Variants in PCGF5 observed in about 807,000 individuals in gnomAD.
The protein encoded by PCGF5 is polycomb group ring finger 5.
PCGF5 carries 9 observed loss-of-function variants against 44.3 expected under a neutral mutation model. The ratio of observed to expected loss-of-function variants is 0.20; its 90% confidence interval spans 0.12 to 0.35. The LOEUF (loss-of-function observed/expected upper bound fraction) is 0.35, where lower values mean the gene tolerates loss of function less well. Ranked by LOEUF, PCGF5 falls within the 10% of genes least tolerant of loss-of-function variation. PCGF5 has a pLI of 1.00. For missense variants in PCGF5, 146 were observed against 305.3 expected, an observed-to-expected ratio of 0.48 and a Z score of 3.89; for synonymous variants, 95 against 102.5, an observed-to-expected ratio of 0.93 and a Z score of 0.44.
Position 91,283,567 on chromosome 10 carries a change from G to A in PCGF5, c.*5251G>A, listed in dbSNP as rs1846503865. ...CCATCCTCTGCACATCAGTCCACTG[G>A]AGCAGGAGTTCTACACATTAAAAAT... On this transcript the variant is annotated 3_prime_UTR_variant, in exon 10 of 10. Coordinates refer to ENST00000336126, the MANE Select transcript of PCGF5 (RefSeq NM_032373.5). The A allele has an allele frequency of 6.6e-6, 1 of 151,714 alleles. No homozygotes were observed. Among genetic ancestry groups the A allele is most frequent in the South Asian group, 2.1e-4 (1 of 4,804 alleles). The allele number at this position is 151,714 out of a possible 1,614,324, so 9.4% of individuals were successfully genotyped here.
At chr10:91,264,166 A>G (rs1453768975) in intron 7 of PCGF5, among the ~76,000 whole-genome samples, 4 of 152,144 alleles carry the variant, frequency 2.6e-5, no homozygotes, top group Non-Finnish European at 4.4e-5. Context: ...GTTACATTGC[A>G]TTTGTAAATT....
chr10:91,184,893 C>A (rs891898896), intron 1 of PCGF5, among the ~76,000 whole-genome samples: 1 of 152,154 alleles, frequency 6.6e-6, no homozygotes, highest in Non-Finnish European at 1.5e-5. Context: ...CTGTGGGAGT[C>A]CCATCCCAGG....
At chr10:91,200,967 G>T (rs1393277714) in intron 1 of PCGF5, among the ~76,000 whole-genome samples, 1 of 152,108 alleles carries the variant, frequency 6.6e-6, no homozygotes, top group East Asian at 1.9e-4. Flanking sequence ...TGGGAGAATG[G>T]TCAGAGCTTG....
intron 1 of PCGF5, among the ~76,000 whole-genome samples, chr10:91,191,830 A>G (rs927489308): frequency 2.0e-5 from 3 of 152,202 alleles, no homozygotes; most frequent in Non-Finnish European, 2.9e-5. Context: ...GTGAGCATTC[A>G]TGTTGGATCC....
upstream of PCGF5, among the ~76,000 whole-genome samples, chr10:91,162,752 G>T (rs969791754): frequency 5.9e-5 from 9 of 151,338 alleles, no homozygotes; most frequent in Non-Finnish European, 1.3e-4. Context: ...GCGGCGAGAG[G>T]CTGTGCCCCA....
chr10:91,187,290 G>A (rs1051444944), intron 1 of PCGF5, among the ~76,000 whole-genome samples: 3 of 152,078 alleles, frequency 2.0e-5, no homozygotes, highest in Non-Finnish European at 4.4e-5. Context: ...ATCGGTTTGG[G>A]AACCACTGTT....
At chr10:91,221,310 G>A (rs533630000) in intron 1 of PCGF5, among the ~76,000 whole-genome samples, 1 of 152,172 alleles carries the variant, frequency 6.6e-6, no homozygotes, top group Admixed American at 6.5e-5. Flanking sequence ...TCCTCTTCCA[G>A]AGGACTTTCT....
At chr10:91,180,048 T>C (rs1290128406) in intron 1 of PCGF5, among the ~76,000 whole-genome samples, 4 of 152,186 alleles carry the variant, frequency 2.6e-5, no homozygotes, top group Non-Finnish European at 5.9e-5. Flanking sequence ...TTCTGACTGG[T>C]GTGAGATGGT....
chr10:91,199,528 AT>A (rs1844208607), intron 1 of PCGF5, among the ~76,000 whole-genome samples: 1 of 152,240 alleles, frequency 6.6e-6, no homozygotes, highest in African/African-American at 2.4e-5. Context: ...CAACATCCCC[AT>A]CAAGTGCAGC....
chr10:91,161,603 A>G (rs61857950), upstream of PCGF5, among the ~76,000 whole-genome samples: 10,378 of 152,294 alleles, frequency 0.068, 443 homozygotes, highest in Non-Finnish European at 0.1. Flanking sequence ...GTAGAATTCA[A>G]TTTTATTCCT....
chr10:91,208,471 T>A (rs1004025452), intron 1 of PCGF5, among the ~76,000 whole-genome samples: 2 of 152,192 alleles, frequency 1.3e-5, no homozygotes, highest in Non-Finnish European at 2.9e-5. Flanking sequence ...GATTCTGCAT[T>A]CCTAACAAGA....
chr10:91,163,073 G>T (rs1589342195), exon 1 of PCGF5: 3 of 149,162 alleles, frequency 2.0e-5, no homozygotes, highest in African/African-American at 7.3e-5. Flanking sequence ...GTGGCCTCTC[G>T]AGAGCAAGGT....
intron 9 of PCGF5, among the ~76,000 whole-genome samples, chr10:91,275,995 AAAATT>A (rs1846303465): frequency 6.6e-6 from 1 of 152,136 alleles, no homozygotes; most frequent in African/African-American, 2.4e-5. Context: ...ACAGCTGTTA[AAAATT>A]ATGTAGCACC....
chr10:91,230,644 C>T (rs997748329), intron 2 of PCGF5, among the ~76,000 whole-genome samples: 2 of 152,076 alleles, frequency 1.3e-5, no homozygotes, highest in Non-Finnish European at 2.9e-5. Context: ...CTCACTCTGT[C>T]GCCCAGGCTG....
At chr10:91,202,022 G>A (rs1844262131) in intron 1 of PCGF5, among the ~76,000 whole-genome samples, 1 of 152,138 alleles carries the variant, frequency 6.6e-6, no homozygotes, top group Non-Finnish European at 1.5e-5. Flanking sequence ...TTATATCCAA[G>A]CCTTGCATTT....
chr10:91,251,099 T>A (rs1042103304), intron 5 of PCGF5, among the ~76,000 whole-genome samples, 193 bp from the exon 6 acceptor site: 6 of 107,554 alleles, frequency 5.6e-5, no homozygotes, highest in South Asian at 2.5e-4. Flanking sequence ...AGTTTCCAAT[T>A]TTTTTTTTTT....
At chr10:91,197,621 G>A (rs1258304387) in intron 1 of PCGF5, among the ~76,000 whole-genome samples, 3 of 152,164 alleles carry the variant, frequency 2.0e-5, no homozygotes, top group South Asian at 4.1e-4. Context: ...ACTGGGGAAA[G>A]GGCTAATGGT....
chr10:91,229,988 T>G (rs1378254369), intron 2 of PCGF5, among the ~76,000 whole-genome samples: 1 of 152,172 alleles, frequency 6.6e-6, no homozygotes, highest in Non-Finnish European at 1.5e-5. Context: ...TGACTTTTTT[T>G]AAATAAGAAA....
At chr10:91,190,580 T>G (rs775070323) in intron 1 of PCGF5, among the ~76,000 whole-genome samples, 11 of 152,200 alleles carry the variant, frequency 7.2e-5, no homozygotes, top group Non-Finnish European at 1.5e-4. Flanking sequence ...GAAAGTTGAT[T>G]GGTGGCTCCA....
Sources: gnomAD v4.1 joint callset for allele counts (sites outside exome capture counted in the v4.1 genomes callset) on GRCh38, gnomAD v4.1.1 for gene constraint, MANE v1.5 for transcripts, NCBI Gene and HGNC (gene_info 2026-07-23, HGNC 2026-07-21) for gene names.